The following DAW1 variants were observed in gnomAD, a reference collection of about 807,000 sequenced individuals.
DAW1 encodes the protein dynein assembly factor with WD repeats 1, also known as dynein assembly factor with WD repeat domains 1.
A neutral mutation model predicts 56.5 loss-of-function variants in DAW1; 47 were observed. The ratio of observed to expected loss-of-function variants is 0.83; its 90% confidence interval spans 0.66 to 1.06. The LOEUF (loss-of-function observed/expected upper bound fraction) is 1.06. Ranked by LOEUF, DAW1 falls within the 50% of genes least tolerant of loss-of-function variation. DAW1 has a pLI of 0.00. For synonymous variants in DAW1, 190 were observed against 179.0 expected (o/e 1.06, Z -0.49); for missense variants, 505 against 499.3 (o/e 1.01, Z -0.11).
At chr2:227,909,270 A>ATCTGTCTGTCTGTCTGTCTG (rs367916730) in intron 10 of DAW1, among the ~76,000 whole-genome samples, 4 of 144,454 alleles carry the variant, frequency 2.8e-5, no homozygotes, top group African/African-American at 1.0e-4. Context: ...CTATCTATCT[A>ATCTGTCTGTCTGTCTGTCTG]TCTGTCTGTC....
At chr2:227,915,236 T>C (rs1187367229) in intron 10 of DAW1, among the ~76,000 whole-genome samples, 3 of 152,102 alleles carry the variant, frequency 2.0e-5, no homozygotes, top group Non-Finnish European at 4.4e-5. Flanking sequence ...TACTTGATGA[T>C]GATATATGAT....
chr2:227,894,897 G>T (rs1186720487), intron 5 of DAW1, among the ~76,000 whole-genome samples: 1 of 152,206 alleles, frequency 6.6e-6, no homozygotes, highest in African/African-American at 2.4e-5. Flanking sequence ...ATGCGCTTAT[G>T]TTGGTTGTAC....
chr2:227,880,217 CTCTTTCTTA>C lies in DAW1; in HGVS notation c.41-5129_41-5121del, dbSNP rs140109174. 5.3e-3 allele frequency among the ~76,000 whole-genome samples: 801 copies of C among 152,214 alleles called. 11 individuals carry two copies. The highest frequency in any genetic ancestry group is 0.019 in the African/African-American group (780 of 41,548). On this transcript the variant is annotated intron_variant, in intron 1 of 12. Coordinates refer to ENST00000309931, the MANE Select transcript of DAW1 (RefSeq NM_178821.3). ...ACTGTATCTTCAATGGATACAGTAT[CTCTTTCTTA>C]TCTTCTTCCAGTCTTAGCTTTTTGT...
At chr2:227,879,491 A>T (rs898280307) in intron 1 of DAW1, among the ~76,000 whole-genome samples, 5 of 151,896 alleles carry the variant, frequency 3.3e-5, no homozygotes, top group African/African-American at 9.7e-5. Flanking sequence ...GCTGATTATT[A>T]TTTGCCTTTA....
intron 10 of DAW1, among the ~76,000 whole-genome samples, chr2:227,909,459 C>CAT (rs1180978664): frequency 6.0e-5 from 9 of 149,672 alleles, no homozygotes; most frequent in Admixed American, 2.0e-4. Context: ...TACACACACA[C>CAT]ATATATATAG....
chr2:227,919,950 C>G (rs1380999470), intron 11 of DAW1, among the ~76,000 whole-genome samples: 10 of 152,214 alleles, frequency 6.6e-5, no homozygotes, highest in Non-Finnish European at 1.3e-4. Flanking sequence ...TCATTGCCCT[C>G]TGGCTGGTCA....
chr2:227,885,821 T>G (rs1044746481), intron 2 of DAW1, among the ~76,000 whole-genome samples: 2 of 152,212 alleles, frequency 1.3e-5, no homozygotes, highest in Non-Finnish European at 2.9e-5. Context: ...TCAGTTTTTC[T>G]TAGTTTTTCC....
intron 6 of DAW1, among the ~76,000 whole-genome samples, chr2:227,901,281 A>G (rs1204019979): frequency 6.6e-6 from 1 of 152,236 alleles, no homozygotes; most frequent in Non-Finnish European, 1.5e-5. Flanking sequence ...GGGCAGTGCC[A>G]TTCACCAATT....
In DAW1 at chr2:227,903,077, A is replaced by C; in HGVS notation, c.616A>C (p.Ile206Leu). 1 of 1,614,214 alleles carries C rather than the reference A, an allele frequency of 6.2e-7. No individual in the cohort carries two copies. The highest frequency in any genetic ancestry group is 1.3e-5 in the African/African-American group (1 of 75,068). The stretch of plus-strand genomic sequence containing the variant: ...GGACACAACAGCCAAATTGTGGGAC[A>C]TTCAGAATGGCGAGGAAGTTTACAC... ...SMDTTAKLWDIQNGEEVYTLR... is the reference protein window; with the variant it reads ...SMDTTAKLWDLQNGEEVYTLR... The change falls in exon 7 of 13, where the codon ATT becomes CTT. Residue 206 changes from isoleucine to leucine, a missense_variant. Coordinates refer to ENST00000309931, the MANE Select transcript of DAW1 (RefSeq NM_178821.3).
intron 1 of DAW1, among the ~76,000 whole-genome samples, chr2:227,879,734 C>G (rs1690967740): frequency 6.6e-6 from 1 of 151,952 alleles, no homozygotes; most frequent in South Asian, 2.1e-4. Flanking sequence ...ATTTTATTAA[C>G]TTTTCAAAAA....
At chr2:227,902,367 G>C (rs1334891613) in intron 6 of DAW1, among the ~76,000 whole-genome samples, 2 of 152,162 alleles carry the variant, frequency 1.3e-5, no homozygotes, top group Non-Finnish European at 2.9e-5. Flanking sequence ...GGTGTCAGTT[G>C]AATGGGGAGG....
At chr2:227,877,676 C>A (rs990317118) in intron 1 of DAW1, among the ~76,000 whole-genome samples, 2 of 152,202 alleles carry the variant, frequency 1.3e-5, no homozygotes, top group African/African-American at 2.4e-5. Context: ...GTTAGATTTG[C>A]GTAAAGAGTG....
At chr2:227,881,785 C>T (rs1691017548) in intron 1 of DAW1, among the ~76,000 whole-genome samples, 2 of 113,554 alleles carry the variant, frequency 1.8e-5, no homozygotes, top group Admixed American at 2.4e-4. Context: ...TAGAGTTTCA[C>T]TCTGTCGCCC....
At chr2:227,891,456 C>A in intron 4 of DAW1, 143 bp downstream of exon 4, 1 of 672,568 alleles carries the variant, frequency 1.5e-6, no homozygotes, top group Non-Finnish European at 2.5e-6. Flanking sequence ...GAAATATAAA[C>A]CCTTTCTCCC....
chr2:227,889,997 T>G lies in DAW1; in HGVS notation c.255T>G (p.Phe85Leu). The G allele has an allele frequency of 6.4e-7, 1 of 1,571,482 alleles. No individual in the cohort carries two copies. Among genetic ancestry groups the G allele is most frequent in the Non-Finnish European group, 8.6e-7 (1 of 1,163,866 alleles). Reference sequence around the variant, plus strand: ...ACAGCAATCACACGTTCTATCTTTTTAAGGTAATGGATTTAAAAACAATCA... The same window carrying G: ...ACAGCAATCACACGTTCTATCTTTTGAAGGTAATGGATTTAAAAACAATCA... ...GQNSNHTFYL[F>L]KVLKAHILPL... is the part of the protein sequence containing the mutation. Residue 85 changes from phenylalanine to leucine, a missense_variant, in exon 3 of 13, where the codon TTT becomes TTG. Transcript: ENST00000309931.
chr2:227,871,749 C>T lies in DAW1; in HGVS notation c.40+20C>T, dbSNP rs2106180453. 6.2e-7 allele frequency: 1 copy of T among 1,613,562 alleles called. No individual in the cohort carries two copies. Among genetic ancestry groups the T allele is most frequent in the Non-Finnish European group, 8.5e-7 (1 of 1,179,772 alleles). On this transcript the variant is annotated intron_variant, in intron 1 of 12. Transcript: ENST00000309931. ...CGCCAGGTACGCACCAGCCCGGCCC[C>T]GTCATCCCCACGTGGGACCCTGGGC...
intron 12 of DAW1, 105 bp from the exon 13 acceptor site, chr2:227,923,829 C>T: frequency 1.5e-6 from 2 of 1,372,346 alleles, no homozygotes; most frequent in Non-Finnish European, 2.0e-6. Context: ...GCCCATTTAG[C>T]AAGTTGTTAA....
At chr2:227,920,678 T>A (rs980926823) in intron 11 of DAW1, among the ~76,000 whole-genome samples, 1 of 151,990 alleles carries the variant, frequency 6.6e-6, no homozygotes, top group Non-Finnish European at 1.5e-5. Context: ...TTATTTTTAT[T>A]TTTTATTATT....
chr2:227,902,017 C>T (rs946644400), intron 6 of DAW1, among the ~76,000 whole-genome samples: 2 of 151,890 alleles, frequency 1.3e-5, no homozygotes, highest in Admixed American at 1.3e-4. Flanking sequence ...AGAGTTTTCT[C>T]AGGGAAGTGG....
Sources: gnomAD v4.1 joint callset for allele counts (sites outside exome capture counted in the v4.1 genomes callset) on GRCh38, gnomAD v4.1.1 for gene constraint, MANE v1.5 for transcripts, NCBI Gene and HGNC (gene_info 2026-07-23, HGNC 2026-07-21) for gene names.